Variants in ARMC2 observed in about 807,000 individuals in gnomAD.
ARMC2 encodes the protein armadillo repeat containing 2.
A neutral mutation model predicts 90.3 loss-of-function variants in ARMC2; 67 were observed. That is an observed-to-expected ratio of 0.74 (90% CI 0.61 to 0.91). ARMC2 has a LOEUF of 0.91. ARMC2 is among the 40% of genes least tolerant of loss of function. The pLI is 0.00. For synonymous variants in ARMC2, 393 were observed against 393.0 expected, an observed-to-expected ratio of 1.00 and a Z score of 0.00; for missense variants, 920 against 1,030.9, an observed-to-expected ratio of 0.89 and a Z score of 1.47.
chr6:108,958,349 G>T (rs1014440291), intron 13 of ARMC2, among the ~76,000 whole-genome samples: 12 of 152,174 alleles, frequency 7.9e-5, no homozygotes, highest in Non-Finnish European at 4.4e-5. Context: ...GAATTATTGT[G>T]GGTGTGAATT....
At chr6:109,009,508 C>A in the ARMC2 span, 7 of 1,203,252 alleles carry the variant, frequency 5.8e-6, no homozygotes, top group Middle Eastern at 6.6e-4. Context: ...GAGCGCTGGG[C>A]AGCCGGCCGC....
chr6:108,984,728 T>TACA, the ARMC2 span, among the ~76,000 whole-genome samples: 6 of 152,226 alleles, frequency 3.9e-5, no homozygotes, highest in African/African-American at 1.4e-4. Context: ...TGTATAGAAA[T>TACA]ACAACTGATT....
the ARMC2 span, chr6:109,008,671 A>G: frequency 2.5e-5 from 14 of 562,732 alleles, no homozygotes; most frequent in Non-Finnish European, 3.2e-5. Flanking sequence ...AGTTTTACCT[A>G]AGGTTACATT....
chr6:109,043,269 A>G, the ARMC2 span, among the ~76,000 whole-genome samples: 1 of 152,168 alleles, frequency 6.6e-6, no homozygotes, highest in Non-Finnish European at 1.5e-5. Flanking sequence ...CTTTCCTCTT[A>G]AGATTGGGAA....
At chr6:109,002,527 T>C in the ARMC2 span, among the ~76,000 whole-genome samples, 42 of 152,196 alleles carry the variant, frequency 2.8e-4, no homozygotes, top group Admixed American at 2.2e-3. Flanking sequence ...CAGCTTATAA[T>C]ACAACTCTGA....
At chr6:109,024,801 G>A in the ARMC2 span, among the ~76,000 whole-genome samples, 2 of 152,208 alleles carry the variant, frequency 1.3e-5, no homozygotes, top group African/African-American at 4.8e-5. Context: ...AGCATTGTGA[G>A]TATCGTACTA....
At chr6:108,955,125 C>G (rs1234709232) in intron 13 of ARMC2, among the ~76,000 whole-genome samples, 1 of 152,158 alleles carries the variant, frequency 6.6e-6, no homozygotes, top group Admixed American at 6.5e-5. Context: ...GGACCTAGCT[C>G]CAAATACAGT....
intron 5 of ARMC2, among the ~76,000 whole-genome samples, chr6:108,889,344 C>T (rs990594648): frequency 2.0e-5 from 3 of 151,350 alleles, no homozygotes; most frequent in Non-Finnish European, 2.9e-5. Flanking sequence ...TGGAGTTTCA[C>T]CATATTGGCC....
At chr6:109,002,276 A>G in the ARMC2 span, 1 of 1,612,700 alleles carries the variant, frequency 6.2e-7, no homozygotes, top group African/African-American at 1.3e-5. Flanking sequence ...CAAACAACGT[A>G]CCTCCTTTTC....
chr6:108,926,957 G>A (rs1361788125), intron 10 of ARMC2, among the ~76,000 whole-genome samples: 6 of 150,076 alleles, frequency 4.0e-5, no homozygotes, highest in Non-Finnish European at 5.9e-5. Flanking sequence ...GTGTTTTCAG[G>A]GTAGTCAGTT....
intron 1 of ARMC2, among the ~76,000 whole-genome samples, chr6:108,853,895 C>A (rs1468299561): frequency 6.6e-6 from 1 of 152,164 alleles, no homozygotes; most frequent in Non-Finnish European, 1.5e-5. Context: ...AACATTTTAA[C>A]AGAACCCTCA....
At chr6:108,978,677 T>C (rs1779031265), downstream of ARMC2, among the ~76,000 whole-genome samples, 1 of 152,216 alleles carries the variant, frequency 6.6e-6, no homozygotes, top group African/African-American at 2.4e-5. Context: ...ATCTGGGTGC[T>C]CCTGTATTGA....
At chr6:109,039,428 C>T in the ARMC2 span, among the ~76,000 whole-genome samples, 1 of 152,150 alleles carries the variant, frequency 6.6e-6, no homozygotes, top group East Asian at 1.9e-4. Flanking sequence ...GTCAAAGTAT[C>T]ATCATTGTAT....
chr6:109,052,074 T>C, the ARMC2 span, among the ~76,000 whole-genome samples: 1 of 152,190 alleles, frequency 6.6e-6, no homozygotes, highest in Non-Finnish European at 1.5e-5. Flanking sequence ...CCATTACTTT[T>C]AATAAGACAG....
intron 8 of ARMC2, among the ~76,000 whole-genome samples, chr6:108,906,890 G>A (rs954110038): frequency 1.2e-4 from 19 of 152,086 alleles, no homozygotes; most frequent in African/African-American, 4.6e-4. Flanking sequence ...AGGTACCAAA[G>A]GAGATAATGA....
chr6:109,046,801 T>C, the ARMC2 span, among the ~76,000 whole-genome samples: 1 of 138,950 alleles, frequency 7.2e-6, no homozygotes, highest in Admixed American at 7.0e-5. Flanking sequence ...GAGGAGCGTC[T>C]CTGCCCGGCC....
intron 8 of ARMC2, among the ~76,000 whole-genome samples, chr6:108,905,104 C>G (rs1302124050): frequency 6.6e-6 from 1 of 152,200 alleles, no homozygotes; most frequent in Non-Finnish European, 1.5e-5. Context: ...TCTAAGAGAG[C>G]CGCTAAAACA....
At chr6:108,925,321 C>T (rs1174220805) in intron 10 of ARMC2, among the ~76,000 whole-genome samples, 1 of 152,140 alleles carries the variant, frequency 6.6e-6, no homozygotes, top group East Asian at 1.9e-4. Context: ...CCAGTCTTTC[C>T]TTTGTAGATG....
At chr6:108,865,675 G>A (rs574203636) in intron 3 of ARMC2, among the ~76,000 whole-genome samples, 4 of 152,212 alleles carry the variant, frequency 2.6e-5, no homozygotes, top group African/African-American at 9.6e-5. Flanking sequence ...AGAAAATTCG[G>A]TGACTCTCTT....
Sources: gnomAD v4.1 joint callset for allele counts (sites outside exome capture counted in the v4.1 genomes callset) on GRCh38, gnomAD v4.1.1 for gene constraint, MANE v1.5 for transcripts, NCBI Gene and HGNC (gene_info 2026-07-23, HGNC 2026-07-21) for gene names.